ERICH1: variants seen among roughly 807,000 people sequenced by gnomAD.
The protein encoded by ERICH1 is glutamate-rich protein 1.
In ERICH1, 56 loss-of-function variants were observed where a neutral mutation model predicts 39.6. The observed-to-expected ratio is 1.41, with a 90% CI of 1.14 to 1.77. The LOEUF (loss-of-function observed/expected upper bound fraction) is 1.77, where lower values mean the gene tolerates loss of function less well. ERICH1 is among the 40% of genes most tolerant of loss of function. The pLI, the probability that ERICH1 is intolerant of heterozygous loss-of-function variation, is 0.00. For synonymous variants in ERICH1, 313 were observed against 223.6 expected (o/e 1.40, Z -3.57); for missense variants, 826 against 575.4 (o/e 1.44, Z -4.45).
intron 5 of ERICH1, among the ~76,000 whole-genome samples, chr8:665,382 C>T (rs1004549745): frequency 6.6e-6 from 1 of 152,324 alleles, no homozygotes; most frequent in African/African-American, 2.4e-5. Flanking sequence ...TGAAGGCCCT[C>T]CCCAAGGTCA....
chr8:715,498 CGGGGCCAAG>C (rs1563338129), intron 2 of ERICH1, among the ~76,000 whole-genome samples: 1 of 152,224 alleles, frequency 6.6e-6, no homozygotes, highest in Admixed American at 6.5e-5. Context: ...CACAAGCCAA[CGGGGCCAAG>C]GGGGCCACCA....
At chr8:720,385 G>C (rs1817028430) in intron 1 of ERICH1, among the ~76,000 whole-genome samples, 1 of 152,216 alleles carries the variant, frequency 6.6e-6, no homozygotes, top group African/African-American at 2.4e-5. Context: ...GTCAGCCACA[G>C]ACACACAGGA....
intron 3 of ERICH1, among the ~76,000 whole-genome samples, chr8:623,701 A>C (rs1797423093): frequency 6.6e-6 from 1 of 152,200 alleles, no homozygotes; most frequent in Non-Finnish European, 1.5e-5. Flanking sequence ...CTTCATGCAA[A>C]AACATGAAGT....
rs1294540557 is a variant in ERICH1 at position 700,417 on chromosome 8, G to A, written c.170-7805C>T. 1.8e-4 allele frequency among the ~76,000 whole-genome samples: 13 copies of A among 71,054 alleles called. 2 individuals are homozygous for A. The highest frequency in any genetic ancestry group is 5.7e-4 in the African/African-American group (11 of 19,340). 46.6% of individuals were successfully genotyped at this position (71,054 alleles called of 152,430 possible). A position where few individuals can be genotyped will look rare whatever the true frequency, so the allele number is the denominator to read the frequency against. ...CGCACAGGCCCGCACAGGCGCACAG[G>A]CCCGCAGACGCGCACAGGCCCTCAC... On this transcript the variant is annotated intron_variant, in intron 2 of 5. Transcript: ENST00000262109.
At chr8:719,749 G>C (rs1816855735) in intron 1 of ERICH1, among the ~76,000 whole-genome samples, 1 of 152,150 alleles carries the variant, frequency 6.6e-6, no homozygotes, top group Admixed American at 6.5e-5. Context: ...CACATGTATT[G>C]AATTATTACC....
At chr8:713,548 A>G (rs1026383147) in intron 2 of ERICH1, among the ~76,000 whole-genome samples, 6 of 152,152 alleles carry the variant, frequency 3.9e-5, no homozygotes, top group African/African-American at 1.4e-4. Flanking sequence ...CTTGTCTTCT[A>G]TCCTTGACCA....
chr8:656,595 T>C (rs76867648), intron 3 of ERICH1, among the ~76,000 whole-genome samples: 1,675 of 152,334 alleles, frequency 0.011, 30 homozygotes, highest in African/African-American at 0.039. Context: ...CTTGTTCGCA[T>C]TGAGGCTGAA....
chr8:668,147 CCA>C, intron 5 of ERICH1: 2 of 251,182 alleles, frequency 8.0e-6, no homozygotes, highest in South Asian at 4.9e-5. Flanking sequence ...CACAGCTGCT[CCA>C]GCACACAACA....
chr8:654,474 G>T (rs1800362308), intron 3 of ERICH1, among the ~76,000 whole-genome samples: 1 of 152,138 alleles, frequency 6.6e-6, no homozygotes, highest in South Asian at 2.1e-4. Flanking sequence ...GGTTACAGGG[G>T]TCTCGGCATT....
chr8:620,831 T>A (rs1797236309), intron 3 of ERICH1, among the ~76,000 whole-genome samples: 1 of 152,144 alleles, frequency 6.6e-6, no homozygotes, highest in Admixed American at 6.5e-5. Context: ...TAACAATGGT[T>A]TTTACAGACT....
intron 3 of ERICH1, among the ~76,000 whole-genome samples, chr8:677,951 C>T (rs539697075): frequency 6.6e-6 from 1 of 152,230 alleles, no homozygotes; most frequent in East Asian, 1.9e-4. Flanking sequence ...CCGGGGTCAG[C>T]TTCCCCTCCT....
At chr8:700,310 C>G (rs111215936) in intron 2 of ERICH1, among the ~76,000 whole-genome samples, 807 of 65,126 alleles carry the variant, frequency 0.012, 58 homozygotes, top group East Asian at 0.023. Flanking sequence ...CGCGCACAGA[C>G]CCGCACACGC....
intron 3 of ERICH1, among the ~76,000 whole-genome samples, chr8:638,298 C>T (rs1189387892): frequency 2.0e-5 from 3 of 152,202 alleles, no homozygotes; most frequent in Non-Finnish European, 1.5e-5. Flanking sequence ...ATTCCTGGGG[C>T]TCGATGGGAA....
At chr8:628,005 A>C (rs1318792263) in intron 3 of ERICH1, among the ~76,000 whole-genome samples, 1 of 152,182 alleles carries the variant, frequency 6.6e-6, no homozygotes, top group Non-Finnish European at 1.5e-5. Flanking sequence ...GGGCAGCAGC[A>C]GGGGCGCCTT....
chr8:656,155 G>A (rs1464892008), intron 3 of ERICH1, among the ~76,000 whole-genome samples: 9 of 152,074 alleles, frequency 5.9e-5, no homozygotes, highest in Admixed American at 3.9e-4. Flanking sequence ...CACGGTCCTC[G>A]AGGGACATGC....
chr8:714,980 C>A (rs573816380), intron 2 of ERICH1, among the ~76,000 whole-genome samples: 1 of 152,048 alleles, frequency 6.6e-6, no homozygotes, highest in African/African-American at 2.4e-5. Context: ...GGATGTGCTG[C>A]GCACAGCCGG....
chr8:662,134 A>G (rs1801509394), downstream of ERICH1, among the ~76,000 whole-genome samples: 1 of 151,902 alleles, frequency 6.6e-6, no homozygotes, highest in Non-Finnish European at 1.5e-5. Context: ...AAATGGCCAC[A>G]TGTGAACCAC....
rs571215880 is a variant in ERICH1, at chr8:682,454, A to G, written c.305-8407T>C. On this transcript the variant is annotated intron_variant, in intron 3 of 5. Coordinates refer to ENST00000262109, the MANE Select transcript of ERICH1 (RefSeq NM_207332.3). The stretch of plus-strand genomic sequence containing the variant: ...GGCCCTTTTACCCTGTTGCACTGTG[A>G]CTTCTCCACTCATGCTGCACCCTCC... 3.8e-4 allele frequency among the ~76,000 whole-genome samples: 58 copies of G among 152,248 alleles called. 1 individual carries two copies. The South Asian group carries it at 4.6e-3, about 12-fold the overall frequency.
At chr8:658,836 T>G (rs1325901603) in intron 3 of ERICH1, among the ~76,000 whole-genome samples, 1 of 152,210 alleles carries the variant, frequency 6.6e-6, no homozygotes, top group African/African-American at 2.4e-5. Context: ...TTGCTTATCC[T>G]GCTATGGGGC....
Sources: gnomAD v4.1 joint callset for allele counts (sites outside exome capture counted in the v4.1 genomes callset) on GRCh38, gnomAD v4.1.1 for gene constraint, MANE v1.5 for transcripts, NCBI Gene and HGNC (gene_info 2026-07-23, HGNC 2026-07-21) for gene names.